RBMXL2: variants seen among roughly 807,000 people sequenced by gnomAD.
RBMXL2 encodes RBMX like 2, also known as RNA-binding motif protein, X-linked-like-2.
RBMXL2 carries 2 observed loss-of-function variants against 1.0 expected under a neutral mutation model. The observed-to-expected ratio is 2.05, with a 90% CI of 0.84 to 6.44. The LOEUF is 6.44. RBMXL2 is among the 30% of genes most tolerant of loss of function. The pLI, the probability that RBMXL2 is intolerant of heterozygous loss-of-function variation, is 0.05. For synonymous variants in RBMXL2, 313 were observed against 267.9 expected (o/e 1.17, Z -1.64); for missense variants, 658 against 608.5 (o/e 1.08, Z -0.85).
chr11:7,089,253 A>T lies in RBMXL2; in HGVS notation c.133A>T (p.Thr45Ser). Residue 45 changes from threonine to serine, a missense_variant, in exon 1 of 1, where the codon ACC becomes TCC. Physicochemically the swap from Thr to Ser is moderately conservative, Grantham distance 58 (BLOSUM62 1). Coordinates refer to ENST00000306904, the MANE Select transcript of RBMXL2 (RefSeq NM_014469.5). ...VEVLLMKDRE[T>S]NKSRGFAFVT... Reference sequence around the variant, plus strand: ...GGTGCTCCTGATGAAAGACCGAGAAACCAACAAGTCGAGGGGCTTCGCGTT... The same window carrying T: ...GGTGCTCCTGATGAAAGACCGAGAATCCAACAAGTCGAGGGGCTTCGCGTT... The T allele has an allele frequency of 6.2e-7, 1 of 1,612,116 alleles. No homozygotes were observed. The highest frequency in any genetic ancestry group is 8.5e-7 in the Non-Finnish European group (1 of 1,179,030).
Position 7,089,576 on chromosome 11 carries a change from G to T in RBMXL2, c.456G>T (p.Pro152=). 1 of 1,181,816 alleles carries T rather than the reference G, an allele frequency of 8.5e-7. No homozygotes were observed. 73.2% of individuals were successfully genotyped at this position (1,181,816 alleles called of 1,614,324 possible). The change falls in exon 1 of 1, where the codon CCG becomes CCT. Residue 152 remains proline, a synonymous_variant. Transcript: ENST00000306904. Reference sequence around the variant, plus strand: ...CCCCGATGCCCATGAAGCGTGGGCCGCCGCCGCGCAGGGTCGGCCCACCCC... The same window carrying T: ...CCCCGATGCCCATGAAGCGTGGGCCTCCGCCGCGCAGGGTCGGCCCACCCC... ...SRAPMPMKRG[P]PPRRVGPPPK...
Position 7,090,269 on chromosome 11 carries a change from G to A in RBMXL2, c.1149G>A (p.Leu383=), listed in dbSNP as rs372310896. 1.2e-6 allele frequency: 2 copies of A among 1,605,028 alleles called. No individual in the cohort carries two copies. The highest frequency in any genetic ancestry group is 1.1e-5 in the South Asian group (1 of 89,492). Residue 383 remains leucine, a synonymous_variant, in exon 1 of 1, where the codon TTG becomes TTA. Transcript: ENST00000306904. ...PRGGGRLGGR[L]ERGGGRSRY ...GCGGAGGCCGTCTAGGAGGCCGCTT[G>A]GAGAGAGGAGGAGGCCGGAGCAGAT... is the stretch of plus-strand genomic sequence containing the variant.
chr11:7,090,000 C>G lies in RBMXL2; in HGVS notation c.880C>G (p.Pro294Ala), dbSNP rs758104499. The change falls in exon 1 of 1, where the codon CCA (proline) becomes GCA (alanine). Residue 294 changes from proline to alanine, a missense_variant. Pro to Ala is a conservative substitution (Grantham distance 27, BLOSUM62 -1). Transcript: ENST00000306904. ...CTACGGAGAGCTGCGCGGCGCCGCC[C>G]CAGGACGGGGGACACCGCCATCTTA... ...ESYGELRGAA[P>A]GRGTPPSYGG... 3.7e-6 allele frequency: 6 copies of G among 1,613,108 alleles called. No homozygotes were observed. The highest frequency in any genetic ancestry group is 1.6e-4 in the Middle Eastern group (1 of 6,062).
At position 7,090,306 on chromosome 11, in the gene RBMXL2, A is replaced by AAAAAAAAG; in HGVS notation, c.*7_*8insAAAAAAAG. The AAAAAAAAG allele has an allele frequency of 6.3e-7, 1 of 1,586,334 alleles. No individual in the cohort carries two copies. Among genetic ancestry groups the AAAAAAAAG allele is most frequent in the East Asian group, 2.3e-5 (1 of 43,968 alleles). ...AGGCCGGAGCAGATACTAAGCAGGAACAGACTTGGGACCAAAAATCCCTTT... is the reference window on the plus strand; with the variant it reads ...AGGCCGGAGCAGATACTAAGCAGGAAAAAAAAAGCAGACTTGGGACCAAAAATCCCTTT... On this transcript the variant is annotated 3_prime_UTR_variant, in exon 1 of 1. Transcript: ENST00000306904.
chr11:7,089,109 C>A lies in RBMXL2; in HGVS notation c.-12C>A, dbSNP rs764899889. 29 of 1,611,888 alleles carry A rather than the reference C, an allele frequency of 1.8e-5. No homozygotes were observed. The highest frequency in any genetic ancestry group is 8.4e-5 in the Admixed American group (5 of 59,780). On this transcript the variant is annotated 5_prime_UTR_variant, in exon 1 of 1. Transcript: ENST00000306904. ...CTCCCACCGCCACTGACCGACCGTT[C>A]GACCGGCAAACATGGTTGAAGCGGA...
At position 7,089,623 on chromosome 11, in the gene RBMXL2, G is replaced by T; in HGVS notation, c.503G>T (p.Gly168Val). The T allele has an allele frequency of 8.0e-7, 1 of 1,243,426 alleles. No homozygotes were observed. The highest frequency in any genetic ancestry group is 1.0e-6 in the Non-Finnish European group (1 of 993,680). 77.0% of individuals were successfully genotyped at this position (1,243,426 alleles called of 1,614,324 possible). ...GPPPKRAAPSGPARSSGGGMR... is the reference protein window; with the variant it reads ...GPPPKRAAPSVPARSSGGGMR... ...CCCCCCAAGAGGGCCGCGCCGTCGG[G>T]CCCGGCTCGCAGCAGCGGCGGTGGA... Residue 168 changes from glycine to valine, a missense_variant, in exon 1 of 1, where the codon GGC (glycine) becomes GTC (valine). Physicochemically the swap from Gly to Val is moderately radical, Grantham distance 109. Coordinates refer to ENST00000306904, the MANE Select transcript of RBMXL2 (RefSeq NM_014469.5).
In RBMXL2 at chr11:7,089,165, C is replaced by G. The variant is rs1853077916; in HGVS notation, c.45C>G (p.Leu15=). ...CGGGGAAGCTGTTCATTGGGGGCCT[C>G]AACCTCGAAACCGACGAGAAAGCCC... ...DRPGKLFIGG[L]NLETDEKALE... The change falls in exon 1 of 1, where the codon CTC becomes CTG. Residue 15 remains leucine (L), a synonymous_variant. Transcript: ENST00000306904. The G allele has an allele frequency of 6.2e-7, 1 of 1,613,948 alleles. No homozygotes were observed. The highest frequency in any genetic ancestry group is 1.1e-5 in the South Asian group (1 of 91,060).
rs1853113141 is a variant in RBMXL2, at chr11:7,090,488, T to C, written c.*189T>C. The C allele has an allele frequency of 2.6e-6, 2 of 756,326 alleles. No homozygotes were observed. Among genetic ancestry groups the C allele is most frequent in the Admixed American group, 2.7e-5 (1 of 37,312 alleles). 46.9% of individuals were successfully genotyped at this position (756,326 alleles called of 1,614,324 possible). On this transcript the variant is annotated 3_prime_UTR_variant, in exon 1 of 1. Transcript: ENST00000306904. ...AACTTAAAATTCGTTTAGTTTAGTT[T>C]TGGAATTGTTAACGTTTCTTTCAAC...
In RBMXL2 at chr11:7,089,041, C is replaced by T; in HGVS notation, c.-80C>T. ...CCGCCTGACCAGTAGGAGCCGCCCT[C>T]GACGAGCGAGCTCGAAGGCTGCGAC... On this transcript the variant is annotated 5_prime_UTR_variant, in exon 1 of 1. Transcript: ENST00000306904. 2 of 1,511,884 alleles carry T rather than the reference C, an allele frequency of 1.3e-6. No individual in the cohort carries two copies. The highest frequency in any genetic ancestry group is 9.0e-7 in the Non-Finnish European group (1 of 1,106,786). 93.7% of individuals were successfully genotyped at this position (1,511,884 alleles called of 1,614,324 possible). A position where few individuals can be genotyped will look rare whatever the true frequency, so the allele number is the denominator to read the frequency against.
In RBMXL2 at chr11:7,090,502, G is replaced by T; in HGVS notation, c.*203G>T. The stretch of plus-strand genomic sequence containing the variant: ...TTAGTTTAGTTTTGGAATTGTTAAC[G>T]TTTCTTTCAACAAGCTCCTGTTAAA... On this transcript the variant is annotated 3_prime_UTR_variant, in exon 1 of 1. Coordinates refer to ENST00000306904, the MANE Select transcript of RBMXL2 (RefSeq NM_014469.5). 1 of 681,668 alleles carries T rather than the reference G, an allele frequency of 1.5e-6. No individual in the cohort carries two copies. Among genetic ancestry groups the T allele is most frequent in the South Asian group, 1.9e-5 (1 of 51,322 alleles). 42.2% of individuals were successfully genotyped at this position (681,668 alleles called of 1,614,324 possible).
chr11:7,089,056 A>G lies in RBMXL2; in HGVS notation c.-65A>G. ...GAGCCGCCCTCGACGAGCGAGCTCGAAGGCTGCGACTGGCGCCGCCTCACC... is the reference window on the plus strand; with the variant it reads ...GAGCCGCCCTCGACGAGCGAGCTCGGAGGCTGCGACTGGCGCCGCCTCACC... On this transcript the variant is annotated 5_prime_UTR_variant, in exon 1 of 1. Coordinates refer to ENST00000306904, the MANE Select transcript of RBMXL2 (RefSeq NM_014469.5). 6.4e-7 allele frequency: 1 copy of G among 1,556,662 alleles called. No homozygotes were observed. Among genetic ancestry groups the G allele is most frequent in the South Asian group, 1.2e-5 (1 of 86,594 alleles).
chr11:7,090,478 T>G lies in RBMXL2; in HGVS notation c.*179T>G. The G allele has an allele frequency of 1.2e-6, 1 of 837,090 alleles. No homozygotes were observed. The highest frequency in any genetic ancestry group is 1.9e-6 in the Non-Finnish European group (1 of 531,714). 51.9% of individuals were successfully genotyped at this position (837,090 alleles called of 1,614,324 possible). ...TGGGAGAAAAAACTTAAAATTCGTTTAGTTTAGTTTTGGAATTGTTAACGT... is the reference window on the plus strand; with the variant it reads ...TGGGAGAAAAAACTTAAAATTCGTTGAGTTTAGTTTTGGAATTGTTAACGT... On this transcript the variant is annotated 3_prime_UTR_variant, in exon 1 of 1. Coordinates refer to ENST00000306904, the MANE Select transcript of RBMXL2 (RefSeq NM_014469.5).
Position 7,089,629 on chromosome 11 carries a change from C to T in RBMXL2, c.509C>T (p.Ala170Val). 3 of 1,257,788 alleles carry T rather than the reference C, an allele frequency of 2.4e-6. No homozygotes were observed. The highest frequency in any genetic ancestry group is 2.5e-5 in the South Asian group (1 of 39,628). 77.9% of individuals were successfully genotyped at this position (1,257,788 alleles called of 1,614,324 possible). Residue 170 changes from alanine (A) to valine (V), a missense_variant, in exon 1 of 1, where the codon GCT becomes GTT. Coordinates refer to ENST00000306904, the MANE Select transcript of RBMXL2 (RefSeq NM_014469.5). ...PPKRAAPSGP[A>V]RSSGGGMRGR... ...AAGAGGGCCGCGCCGTCGGGCCCGG[C>T]TCGCAGCAGCGGCGGTGGAATGCGC...
Position 7,089,072 on chromosome 11 carries a change from C to A in RBMXL2, c.-49C>A. 1.3e-6 allele frequency: 2 copies of A among 1,584,130 alleles called. No individual in the cohort carries two copies. ...GCGAGCTCGAAGGCTGCGACTGGCG[C>A]CGCCTCACCGCCTCCCACCGCCACT... On this transcript the variant is annotated 5_prime_UTR_variant, in exon 1 of 1. Coordinates refer to ENST00000306904, the MANE Select transcript of RBMXL2 (RefSeq NM_014469.5).
rs1210891768 is a variant in RBMXL2 at position 7,090,336 on chromosome 11, C to A, written c.*37C>A. On this transcript the variant is annotated 3_prime_UTR_variant, in exon 1 of 1. Coordinates refer to ENST00000306904, the MANE Select transcript of RBMXL2 (RefSeq NM_014469.5). ...CTTGGGACCAAAAATCCCTTTTCAA[C>A]GAAACTAACAAAAAGAAGAACCTGT... The A allele has an allele frequency of 1.3e-6, 2 of 1,549,056 alleles. No individual in the cohort carries two copies. Among genetic ancestry groups the A allele is most frequent in the Non-Finnish European group, 1.7e-6 (2 of 1,143,236 alleles).
Position 7,089,147 on chromosome 11 carries a change from G to A in RBMXL2, c.27G>A (p.Lys9=), listed in dbSNP as rs768697160. Residue 9 remains lysine, a synonymous_variant, in exon 1 of 1, where the codon AAG becomes AAA. Coordinates refer to ENST00000306904, the MANE Select transcript of RBMXL2 (RefSeq NM_014469.5). The stretch of plus-strand genomic sequence containing the variant: ...TGGTTGAAGCGGATCGCCCGGGGAA[G>A]CTGTTCATTGGGGGCCTCAACCTCG... MVEADRPG[K]LFIGGLNLET... 21 of 1,614,026 alleles carry A rather than the reference G, an allele frequency of 1.3e-5. No homozygotes were observed. The highest frequency in any genetic ancestry group is 1.7e-5 in the Non-Finnish European group (20 of 1,179,944).
In RBMXL2 at chr11:7,090,564, C is replaced by T. The variant is rs748315400; in HGVS notation, c.*265C>T. The T allele has an allele frequency of 2.8e-5, 14 of 505,940 alleles. No individual in the cohort carries two copies. Among genetic ancestry groups the T allele is most frequent in the Non-Finnish European group, 4.7e-5 (13 of 273,698 alleles). 31.3% of individuals were successfully genotyped at this position (505,940 alleles called of 1,614,324 possible). On this transcript the variant is annotated 3_prime_UTR_variant, in exon 1 of 1. Transcript: ENST00000306904. ...CTGAGTACTAGTCTTCTTACATTTACAAGTAGAAATTCGATTAATGGCTTC... is the reference window on the plus strand; with the variant it reads ...CTGAGTACTAGTCTTCTTACATTTATAAGTAGAAATTCGATTAATGGCTTC...
At position 7,089,249 on chromosome 11, in the gene RBMXL2, A is replaced by G. The variant is rs751442027; in HGVS notation, c.129A>G (p.Arg43=). The change falls in exon 1 of 1, where the codon CGA becomes CGG. Residue 43 remains arginine, a synonymous_variant. Transcript: ENST00000306904. ...TCGAGGTGCTCCTGATGAAAGACCGAGAAACCAACAAGTCGAGGGGCTTCG... is the reference window on the plus strand; with the variant it reads ...TCGAGGTGCTCCTGATGAAAGACCGGGAAACCAACAAGTCGAGGGGCTTCG... ...RIVEVLLMKD[R]ETNKSRGFAF... The G allele has an allele frequency of 8.0e-5, 129 of 1,612,338 alleles. No individual in the cohort carries two copies. The highest frequency in any genetic ancestry group is 1.1e-4 in the Non-Finnish European group (125 of 1,179,180).
In RBMXL2 at chr11:7,089,795, C is replaced by T. The variant is rs568385641; in HGVS notation, c.675C>T (p.Tyr225=). The T allele has an allele frequency of 1.4e-4, 217 of 1,601,374 alleles. No homozygotes were observed. The South Asian group carries it at 2.1e-3, about 16-fold the overall frequency. Residue 225 remains tyrosine, a synonymous_variant, in exon 1 of 1, where the codon TAC becomes TAT. Transcript: ENST00000306904. Reference sequence around the variant, plus strand: ...GAGACGGCTACTCGAGCCGAGACTACCGCGAACCCCGGGGTTTTGCCCCCT... The same window carrying T: ...GAGACGGCTACTCGAGCCGAGACTATCGCGAACCCCGGGGTTTTGCCCCCT... The part of the protein sequence containing the change: ...SSRDGYSSRD[Y]REPRGFAPSP...
Sources: gnomAD v4.1 joint callset for allele counts on GRCh38, gnomAD v4.1.1 for gene constraint, MANE v1.5 for transcripts, NCBI Gene and HGNC (gene_info 2026-07-23, HGNC 2026-07-21) for gene names.